Variants in ARB2A observed in about 807,000 individuals in gnomAD.
ARB2A encodes the protein cotranscriptional regulator ARB2A.
the ARB2A span, among the ~76,000 whole-genome samples, chr5:93,815,255 G>A: frequency 1.3e-5 from 2 of 152,090 alleles, no homozygotes; most frequent in African/African-American, 4.8e-5. Context: ...TATGAAGTGA[G>A]AACAATTGAT....
At chr5:93,866,153 C>G in the ARB2A span, 1 of 985,310 alleles carries the variant, frequency 1.0e-6, no homozygotes, top group Middle Eastern at 5.2e-4. Context: ...CTTCAATTGG[C>G]CTTTCTTTGA....
chr5:93,721,083 A>C, the ARB2A span, among the ~76,000 whole-genome samples: 6 of 152,216 alleles, frequency 3.9e-5, no homozygotes. Flanking sequence ...CTTAAGATTA[A>C]GGAAACAGGC....
chr5:94,074,400 G>A, the ARB2A span, among the ~76,000 whole-genome samples: 1 of 152,038 alleles, frequency 6.6e-6, no homozygotes, highest in Non-Finnish European at 1.5e-5. Context: ...TTAAATGTAT[G>A]ACATTGAGTA....
the ARB2A span, among the ~76,000 whole-genome samples, chr5:93,930,415 A>T: frequency 6.6e-6 from 1 of 152,224 alleles, no homozygotes; most frequent in South Asian, 2.1e-4. Context: ...TCCTGAGCCC[A>T]GAAAAGTACA....
At chr5:94,087,302 G>C in the ARB2A span, among the ~76,000 whole-genome samples, 19 of 151,974 alleles carry the variant, frequency 1.3e-4, no homozygotes, top group African/African-American at 4.6e-4. Context: ...ACCTACTCGG[G>C]GGGCTAAGGC....
the ARB2A span, among the ~76,000 whole-genome samples, chr5:94,012,229 C>T: frequency 5.9e-5 from 9 of 152,242 alleles, no homozygotes; most frequent in South Asian, 4.1e-4. Flanking sequence ...GGTGAAACCC[C>T]GTCTCTACTA....
chr5:93,797,874 G>T, the ARB2A span, among the ~76,000 whole-genome samples: 374 of 152,200 alleles, frequency 2.5e-3, 1 homozygote, highest in African/African-American at 8.6e-3. Context: ...GTGATAAATT[G>T]CTAGATAGCT....
At chr5:93,989,174 A>T in the ARB2A span, among the ~76,000 whole-genome samples, 1 of 152,314 alleles carries the variant, frequency 6.6e-6, no homozygotes, top group Non-Finnish European at 1.5e-5. Flanking sequence ...GACTCTTCTC[A>T]GAATAATGTT....
At chr5:93,967,028 A>AC in the ARB2A span, among the ~76,000 whole-genome samples, 1 of 151,834 alleles carries the variant, frequency 6.6e-6, no homozygotes, top group Admixed American at 6.6e-5. Flanking sequence ...AAAAAAAAAA[A>AC]CATTTTCTAA....
the ARB2A span, among the ~76,000 whole-genome samples, chr5:94,108,570 T>C: frequency 6.6e-6 from 1 of 152,060 alleles, no homozygotes; most frequent in African/African-American, 2.4e-5. Context: ...AATAAATTCA[T>C]AGAACTCCAA....
chr5:94,081,437 C>A, the ARB2A span, among the ~76,000 whole-genome samples: 2 of 152,158 alleles, frequency 1.3e-5, no homozygotes, highest in Admixed American at 6.5e-5. Flanking sequence ...GTTGAAACAA[C>A]CTGACTGTCA....
the ARB2A span, among the ~76,000 whole-genome samples, chr5:93,986,250 C>G: frequency 6.6e-6 from 1 of 151,360 alleles, no homozygotes; most frequent in South Asian, 2.1e-4. Flanking sequence ...AAGTGAGGAG[C>G]CCCTCCACCC....
chr5:93,865,170 G>A, the ARB2A span, among the ~76,000 whole-genome samples: 19 of 151,922 alleles, frequency 1.3e-4, no homozygotes, highest in African/African-American at 2.4e-4. Context: ...CAAGCTCTGC[G>A]TCCCGGGTTC....
the ARB2A span, among the ~76,000 whole-genome samples, chr5:93,842,960 A>G: frequency 1.3e-5 from 2 of 152,300 alleles, no homozygotes; most frequent in Admixed American, 1.3e-4. Context: ...CATCACCACC[A>G]TCCCCCAAAC....
chr5:94,094,174 C>G, the ARB2A span, among the ~76,000 whole-genome samples: 8 of 152,328 alleles, frequency 5.3e-5, no homozygotes, highest in East Asian at 1.3e-3. Flanking sequence ...ACTGCATAGA[C>G]TGGGTTGCTT....
At chr5:93,918,675 G>A in the ARB2A span, among the ~76,000 whole-genome samples, 1 of 151,986 alleles carries the variant, frequency 6.6e-6, no homozygotes, top group African/African-American at 2.4e-5. Context: ...GCCCGTCTCG[G>A]CCTCCCAAAA....
chr5:93,628,965 GCTAA>G, the ARB2A span, among the ~76,000 whole-genome samples: 1 of 152,178 alleles, frequency 6.6e-6, no homozygotes, highest in Non-Finnish European at 1.5e-5. Context: ...TCACAACTTG[GCTAA>G]CTGTTTTGCA....
the ARB2A span, among the ~76,000 whole-genome samples, chr5:93,765,674 T>C: frequency 9.9e-5 from 15 of 152,138 alleles, no homozygotes; most frequent in East Asian, 9.7e-4. Flanking sequence ...ATGACTAGAA[T>C]TGGAAAAAAC....
the ARB2A span, among the ~76,000 whole-genome samples, chr5:94,073,256 T>C: frequency 2.6e-5 from 4 of 152,128 alleles, no homozygotes; most frequent in African/African-American, 9.7e-5. Context: ...TATTTTCTAA[T>C]ATTTCCAGTT....
Sources: gnomAD v4.1 joint callset for allele counts (sites outside exome capture counted in the v4.1 genomes callset) on GRCh38, gnomAD v4.1.1 for gene constraint, MANE v1.5 for transcripts, NCBI Gene and HGNC (gene_info 2026-07-23, HGNC 2026-07-21) for gene names.